Variants in PDE1C observed in about 807,000 individuals in gnomAD.
PDE1C encodes the protein dual specificity calcium/calmodulin-dependent 3',5'-cyclic nucleotide phosphodiesterase 1C.
Under a neutral mutation model 93.1 loss-of-function variants are expected in PDE1C, and 62 were observed. That is an observed-to-expected ratio of 0.67 (90% CI 0.54 to 0.82). The LOEUF (loss-of-function observed/expected upper bound fraction) is 0.82. PDE1C is among the 40% of genes least tolerant of loss of function. The pLI, the probability that PDE1C is intolerant of heterozygous loss-of-function variation, is 0.00. For missense variants in PDE1C, 742 were observed against 884.6 expected, an observed-to-expected ratio of 0.84 and a Z score of 2.04; for synonymous variants, 325 against 310.1, an observed-to-expected ratio of 1.05 and a Z score of -0.50.
At chr7:32,011,623 C>A (rs1393341012) in intron 2 of PDE1C, among the ~76,000 whole-genome samples, 1 of 152,172 alleles carries the variant, frequency 6.6e-6, no homozygotes, top group Non-Finnish European at 1.5e-5. Flanking sequence ...TATTAAGTCA[C>A]AATGAGAAAC....
intron 3 of PDE1C, among the ~76,000 whole-genome samples, chr7:32,127,492 G>GA (rs1360467752): frequency 2.6e-5 from 4 of 151,750 alleles, no homozygotes; most frequent in African/African-American, 7.3e-5. Flanking sequence ...AGACATAATA[G>GA]AAAAAAACTT....
In PDE1C at chr7:32,280,570, C is replaced by T. The variant is rs184366741; in HGVS notation, c.85+18081G>A. 5.3e-5 allele frequency among the ~76,000 whole-genome samples: 8 copies of T among 152,128 alleles called. No homozygotes were observed. The East Asian group carries it at 1.2e-3, about 22-fold the overall frequency. ...AACAGAAACATACTCTATTTTTCAGCGCCCATGAAACATGTACAAAAATTG... is the reference window on the plus strand; with the variant it reads ...AACAGAAACATACTCTATTTTTCAGTGCCCATGAAACATGTACAAAAATTG... On this transcript the variant is annotated intron_variant, in intron 1 of 18. Coordinates refer to the PDE1C transcript ENST00000396193.
At chr7:32,008,570 TG>T (rs1313487840) in intron 2 of PDE1C, among the ~76,000 whole-genome samples, 1 of 152,190 alleles carries the variant, frequency 6.6e-6, no homozygotes, top group Admixed American at 6.5e-5. Flanking sequence ...CATGAAAATC[TG>T]GTTCAAATTA....
chr7:31,786,505 G>A (rs1045527917), intron 16 of PDE1C: 8 of 152,186 alleles, frequency 5.3e-5, no homozygotes, highest in Admixed American at 3.9e-4. Flanking sequence ...TAAATTTTCA[G>A]GGAAATTTGA....
intron 6 of PDE1C, among the ~76,000 whole-genome samples, chr7:31,871,324 T>A (rs1427331090): frequency 6.6e-6 from 1 of 151,970 alleles, no homozygotes; most frequent in Non-Finnish European, 1.5e-5. Context: ...ATTTTATGGC[T>A]AACACCTCAA....
intron 3 of PDE1C, among the ~76,000 whole-genome samples, chr7:32,168,740 A>G (rs1802461466): frequency 6.6e-6 from 1 of 152,228 alleles, no homozygotes; most frequent in South Asian, 2.1e-4. Flanking sequence ...CACTGTATAA[A>G]GAAATCCAAA....
intron 2 of PDE1C, among the ~76,000 whole-genome samples, chr7:31,971,844 T>C (rs150486689): frequency 2.6e-5 from 4 of 152,346 alleles, no homozygotes; most frequent in Non-Finnish European, 5.9e-5. Flanking sequence ...CCCTCTCTCA[T>C]AGCTCCTTTA....
At position 31,934,451 on chromosome 7, in the gene PDE1C, T is replaced by C. The variant is rs143898508; in HGVS notation, c.129-53591A>G. 4.1e-3 allele frequency among the ~76,000 whole-genome samples: 622 copies of C among 152,272 alleles called. 1 individual carries two copies. The highest frequency in any genetic ancestry group is 6.8e-3 in the Middle Eastern group (2 of 294). On this transcript the variant is annotated intron_variant, in intron 2 of 17. Transcript: ENST00000396191. ...CATTCATTCCAGTGGCAACTTTCTC[T>C]GTGTAACATGCTTTGCACTGAAACT... is the stretch of plus-strand genomic sequence containing the variant.
chr7:31,898,018 C>CTTT (rs201863179), intron 2 of PDE1C, among the ~76,000 whole-genome samples: 5 of 122,914 alleles, frequency 4.1e-5, no homozygotes, highest in African/African-American at 1.6e-4. Context: ...GGTTTGGTTT[C>CTTT]TTTGTGTGTG....
At chr7:32,414,356 A>G (rs1785230938) in intron 1 of PDE1C, among the ~76,000 whole-genome samples, 2 of 152,194 alleles carry the variant, frequency 1.3e-5, no homozygotes, top group African/African-American at 4.8e-5. Flanking sequence ...AGTAAAAAAC[A>G]TTACATTATA....
At chr7:31,852,864 C>A (rs78383686) in intron 7 of PDE1C, among the ~76,000 whole-genome samples, 3 of 129,188 alleles carry the variant, frequency 2.3e-5, no homozygotes, top group African/African-American at 8.3e-5. Context: ...AGTTTTTTTT[C>A]CATTTTGGCA....
the PDE1C span, chr7:31,652,409 C>G: frequency 6.9e-7 from 1 of 1,448,100 alleles, no homozygotes; most frequent in Non-Finnish European, 9.1e-7. Flanking sequence ...TCAAAGAGCC[C>G]ATTCTAGAGA....
intron 1 of PDE1C, among the ~76,000 whole-genome samples, chr7:32,282,485 A>AATAGCTAGATAGATAGATAGATAGATAG (rs1554300204): frequency 2.1e-5 from 3 of 143,860 alleles, no homozygotes; most frequent in Admixed American, 1.4e-4. Flanking sequence ...TCAAAAAAAA[A>AATAGCTAGATAGATAGATAGATAGATAG]ATAGATAGAT....
chr7:32,144,290 G>A (rs1800699238), intron 3 of PDE1C, among the ~76,000 whole-genome samples: 1 of 152,056 alleles, frequency 6.6e-6, no homozygotes, highest in Non-Finnish European at 1.5e-5. Context: ...TTGTATACAG[G>A]TAGGCATTTT....
At chr7:31,639,769 C>T in the PDE1C span, among the ~76,000 whole-genome samples, 1 of 151,976 alleles carries the variant, frequency 6.6e-6, no homozygotes. Context: ...AACTCCTGAC[C>T]TCGTGATCTG....
At chr7:31,990,776 T>C (rs142876220) in intron 2 of PDE1C, among the ~76,000 whole-genome samples, 94 of 152,322 alleles carry the variant, frequency 6.2e-4, no homozygotes, top group African/African-American at 2.0e-3. Context: ...AGCTTCAAGA[T>C]TAAATTATCC....
intron 1 of PDE1C, among the ~76,000 whole-genome samples, chr7:32,278,933 T>G (rs117863044): frequency 0.022 from 3,388 of 152,290 alleles, 66 homozygotes; most frequent in Admixed American, 0.036. Context: ...GAGGATTCTT[T>G]GGGGAGTGAG....
At chr7:32,102,384 T>C (rs1250156126) in intron 3 of PDE1C, among the ~76,000 whole-genome samples, 2 of 152,164 alleles carry the variant, frequency 1.3e-5, no homozygotes, top group Non-Finnish European at 2.9e-5. Flanking sequence ...ATATTTGGGT[T>C]CAAATCCCTA....
chr7:31,757,843 C>A (rs1226422501), intron 17 of PDE1C, among the ~76,000 whole-genome samples: 1 of 152,170 alleles, frequency 6.6e-6, no homozygotes, highest in Non-Finnish European at 1.5e-5. Flanking sequence ...AAGACACATG[C>A]ACACGTATGT....
Sources: allele counts gnomAD v4.1 joint callset (sites outside exome capture counted in the v4.1 genomes callset), GRCh38; gene constraint gnomAD v4.1.1; transcripts MANE v1.5; gene names NCBI Gene and HGNC (gene_info 2026-07-23, HGNC 2026-07-21).